EPHA3: variants seen among roughly 807,000 people sequenced by gnomAD.
The protein encoded by EPHA3 is ephrin type-A receptor 3.
In EPHA3, 42 loss-of-function variants were observed where a neutral mutation model predicts 107.1. The observed-to-expected ratio is 0.39, with a 90% CI of 0.31 to 0.51. EPHA3 has a LOEUF of 0.51. Among genes scored for constraint, EPHA3 ranks in the 20% least tolerant of loss-of-function variants. The probability of loss-of-function intolerance (pLI) is 0.78; values close to 1 mark genes in which losing one functional copy is unlikely to be tolerated. For synonymous variants in EPHA3, 461 were observed against 424.8 expected (o/e 1.09, Z -1.05); for missense variants, 1,183 against 1,211.2 (o/e 0.98, Z 0.35).
chr3:89,160,066 T>C (rs968774550), intron 2 of EPHA3, among the ~76,000 whole-genome samples: 15 of 152,216 alleles, frequency 9.9e-5, no homozygotes, highest in Admixed American at 6.6e-4. Flanking sequence ...AAGACCGTTA[T>C]CCTAAAGCAG....
At chr3:89,326,138 A>T (rs1559648224) in intron 3 of EPHA3, among the ~76,000 whole-genome samples, 2 of 151,804 alleles carry the variant, frequency 1.3e-5, no homozygotes, top group Non-Finnish European at 2.9e-5. Flanking sequence ...TACATATATT[A>T]TACAGAGTTG....
intron 2 of EPHA3, among the ~76,000 whole-genome samples, chr3:89,189,005 T>C (rs1705639955): frequency 6.6e-6 from 1 of 152,188 alleles, no homozygotes; most frequent in South Asian, 2.1e-4. Context: ...AAGACTATAG[T>C]AAGTGCTTCT....
chr3:89,430,378 C>T (rs1267278760), intron 12 of EPHA3, among the ~76,000 whole-genome samples: 1 of 151,774 alleles, frequency 6.6e-6, no homozygotes, highest in Non-Finnish European at 1.5e-5. Context: ...ATCCATTAGC[C>T]AAATAAAAAT....
chr3:89,419,620 G>A (rs1207281243), intron 11 of EPHA3, among the ~76,000 whole-genome samples: 1 of 151,212 alleles, frequency 6.6e-6, no homozygotes, highest in Non-Finnish European at 1.5e-5. Context: ...AATACTAGAA[G>A]CCACATATTA....
rs1461478295 is a variant in EPHA3 at position 89,450,229 on chromosome 3, C to T, written c.2549C>T (p.Pro850Leu). The change falls in exon 15 of 17, where the codon CCA (proline) becomes CTA (leucine). Residue 850 changes from proline to leucine, a missense_variant. Coordinates refer to ENST00000336596, the MANE Select transcript of EPHA3 (RefSeq NM_005233.6). ...CGACTGCCACCCCCCATGGACTGCC[C>T]AGCTGCCTTGTATCAGCTGATGCTG... ...GYRLPPPMDC[P>L]AALYQLMLDC... 6.2e-7 allele frequency: 1 copy of T among 1,613,658 alleles called. No individual in the cohort carries two copies. The highest frequency in any genetic ancestry group is 8.5e-7 in the Non-Finnish European group (1 of 1,179,818).
chr3:89,123,607 T>C (rs1285150486), intron 1 of EPHA3, among the ~76,000 whole-genome samples: 1 of 152,132 alleles, frequency 6.6e-6, no homozygotes, highest in Non-Finnish European at 1.5e-5. Flanking sequence ...AAGCCCCTTC[T>C]AGTCATACAT....
intron 3 of EPHA3, among the ~76,000 whole-genome samples, chr3:89,297,319 C>G (rs1490055659): frequency 6.6e-6 from 1 of 152,100 alleles, no homozygotes; most frequent in Non-Finnish European, 1.5e-5. Flanking sequence ...GCATGCAATA[C>G]TTTCTTTCAC....
At position 89,199,522 on chromosome 3, in the gene EPHA3, ATAT is replaced by A. The variant is rs1456638919; in HGVS notation, c.154-10337_154-10335del. The stretch of plus-strand genomic sequence containing the variant: ...TATACTTTATATTTTAGCATAACAT[ATAT>A]CTGTTTCGAGTCAATGCTTCTGGCT... On this transcript the variant is annotated intron_variant, in intron 2 of 16. Coordinates refer to ENST00000336596, the MANE Select transcript of EPHA3 (RefSeq NM_005233.6). Among the ~76,000 whole-genome samples, 10 of 8,586 alleles carry A rather than the reference ATAT, an allele frequency of 1.2e-3. No homozygotes were observed. In the East Asian group the frequency reaches 0.022, roughly 19 times the overall value. 5.6% of individuals were successfully genotyped at this position (8,586 alleles called of 152,430 possible). A position where few individuals can be genotyped will look rare whatever the true frequency, so the allele number is the denominator to read the frequency against.
Position 89,107,852 on chromosome 3 carries a change from C to A in EPHA3, c.88+16C>A, listed in dbSNP as rs2106932882. 6.2e-7 allele frequency: 1 copy of A among 1,612,204 alleles called. No homozygotes were observed. The highest frequency in any genetic ancestry group is 2.2e-5 in the East Asian group (1 of 44,828). ...TCCAATGAAGGTAAGCCAGGTACCG[C>A]GACGCACGGAGCTCTGCCCCGCGGG... On this transcript the variant is annotated intron_variant, in intron 1 of 16. Coordinates refer to ENST00000336596, the MANE Select transcript of EPHA3 (RefSeq NM_005233.6).
chr3:89,246,241 C>T (rs867331348), intron 3 of EPHA3, among the ~76,000 whole-genome samples: 12 of 152,050 alleles, frequency 7.9e-5, no homozygotes, highest in Non-Finnish European at 4.4e-5. Context: ...AGTATGGAAA[C>T]TTGAAGTTTA....
chr3:89,422,722 C>T (rs1055342725), intron 11 of EPHA3, among the ~76,000 whole-genome samples: 1 of 151,188 alleles, frequency 6.6e-6, no homozygotes, highest in Non-Finnish European at 1.5e-5. Flanking sequence ...TCTTTTTTTG[C>T]TCAAAGATAA....
At chr3:89,477,242 A>G (rs1656981844) in intron 16 of EPHA3, among the ~76,000 whole-genome samples, 1 of 152,144 alleles carries the variant, frequency 6.6e-6, no homozygotes, top group Admixed American at 6.5e-5. Context: ...TAAGCGTGGC[A>G]AGCCTCACAT....
intron 13 of EPHA3, among the ~76,000 whole-genome samples, chr3:89,437,361 T>G (rs1559696240): frequency 6.6e-6 from 1 of 152,158 alleles, no homozygotes; most frequent in Non-Finnish European, 1.5e-5. Flanking sequence ...GGATTTCGTT[T>G]GGGATGGATA....
At chr3:89,375,023 G>A (rs1454277243) in intron 5 of EPHA3, among the ~76,000 whole-genome samples, 1 of 151,646 alleles carries the variant, frequency 6.6e-6, no homozygotes, top group African/African-American at 2.4e-5. Flanking sequence ...CACAATTCAA[G>A]AATAAGTTTG....
chr3:89,356,869 C>G (rs1010131003), intron 5 of EPHA3, among the ~76,000 whole-genome samples: 3 of 150,048 alleles, frequency 2.0e-5, no homozygotes, highest in African/African-American at 7.3e-5. Flanking sequence ...CTTTGGGCAG[C>G]CGAGGCGGGC....
At chr3:89,312,522 A>T (rs957045608) in intron 3 of EPHA3, among the ~76,000 whole-genome samples, 1 of 151,552 alleles carries the variant, frequency 6.6e-6, no homozygotes, top group East Asian at 1.9e-4. Flanking sequence ...TGATATATTT[A>T]TAAGTATTAT....
intron 3 of EPHA3, among the ~76,000 whole-genome samples, chr3:89,294,575 A>C (rs944159606): frequency 3.9e-5 from 6 of 152,298 alleles, no homozygotes; most frequent in Admixed American, 2.0e-4. Flanking sequence ...ATCCTTTCTC[A>C]AGCTCATGAA....
At chr3:89,440,589 A>G (rs1259042527) in intron 13 of EPHA3, among the ~76,000 whole-genome samples, 2 of 152,338 alleles carry the variant, frequency 1.3e-5, no homozygotes, top group Non-Finnish European at 2.9e-5. Context: ...GCTTTTAGCC[A>G]CATGTCTCAT....
At chr3:89,476,090 AT>A (rs1270420957) in intron 16 of EPHA3, among the ~76,000 whole-genome samples, 1 of 148,382 alleles carries the variant, frequency 6.7e-6, no homozygotes, top group Non-Finnish European at 1.5e-5. Flanking sequence ...TATATAAAAC[AT>A]TTATATGTAG....
Sources: gnomAD v4.1 joint callset for allele counts (sites outside exome capture counted in the v4.1 genomes callset) on GRCh38, gnomAD v4.1.1 for gene constraint, MANE v1.5 for transcripts, NCBI Gene and HGNC (gene_info 2026-07-23, HGNC 2026-07-21) for gene names.